ANK2: variants seen among roughly 807,000 people sequenced by gnomAD.
ANK2 encodes the protein ankyrin 2.
ANK2 carries 83 observed loss-of-function variants against 360.5 expected under a neutral mutation model. The observed-to-expected ratio is 0.23, with a 90% CI of 0.19 to 0.28. The LOEUF (loss-of-function observed/expected upper bound fraction) is 0.28. Ranked by LOEUF, ANK2 falls within the 10% of genes least tolerant of loss-of-function variation. The pLI is 1.00. For synonymous variants in ANK2, 1,740 were observed against 1,759.5 expected (o/e 0.99, Z 0.28); for missense variants, 4,201 against 4,795.7 (o/e 0.88, Z 3.66).
At chr4:113,332,993 G>C (rs2092812654) in intron 28 of ANK2, 61 bp from the exon 29 acceptor site, 1 of 1,610,428 alleles carries the variant, frequency 6.2e-7, no homozygotes, top group South Asian at 1.1e-5. Context: ...CAGAGTCGAG[G>C]TGCTTGTCTT....
At chr4:113,352,946 C>G in intron 37 of ANK2, 99 bp from the exon 38 acceptor site, 1 of 1,411,822 alleles carries the variant, frequency 7.1e-7, no homozygotes, top group Non-Finnish European at 9.7e-7. Flanking sequence ...ACCACCACCA[C>G]CACAGGAAAA....
At position 113,086,400 on chromosome 4, in the gene ANK2, A is replaced by G. The variant is rs551960143; in HGVS notation, c.84+36588A>G. Among the ~76,000 whole-genome samples, 17 of 152,328 alleles carry G rather than the reference A, an allele frequency of 1.1e-4. No individual in the cohort carries two copies. The South Asian group carries it at 3.5e-3, about 32-fold the overall frequency. ...TGTTCTAGTCTTTATTTATATTCAT[A>G]GATTTTTTTTATACAGTTGCAACAC... On this transcript the variant is annotated intron_variant, in intron 1 of 45. Transcript: ENST00000357077.
chr4:113,183,672 G>T (rs527395415), intron 2 of ANK2, among the ~76,000 whole-genome samples: 3 of 152,098 alleles, frequency 2.0e-5, no homozygotes, highest in Non-Finnish European at 4.4e-5. Flanking sequence ...CAGAGGGTTG[G>T]ATGCTTAAAA....
At chr4:113,069,532 C>G (rs761335408) in intron 1 of ANK2, among the ~76,000 whole-genome samples, 4 of 152,178 alleles carry the variant, frequency 2.6e-5, no homozygotes, top group Non-Finnish European at 5.9e-5. Context: ...CTTTTAAAAG[C>G]CAAAATTACC....
intron 5 of ANK2, among the ~76,000 whole-genome samples, chr4:113,233,106 G>GTTTTTTTTTTTTTTTT (rs1156385030): frequency 1.3e-5 from 1 of 79,706 alleles, no homozygotes; most frequent in African/African-American, 4.6e-5. Flanking sequence ...TGGCTTTTCT[G>GTTTTTTTTTTTTTTTT]TTTTTTTTTT....
At chr4:112,827,496 G>T in intron 1 of ANK2, 1 of 1,312,766 alleles carries the variant, frequency 7.6e-7, no homozygotes, top group Non-Finnish European at 1.1e-6. Flanking sequence ...TCACCAAACA[G>T]TTGCTTCATC....
the ANK2 span, among the ~76,000 whole-genome samples, chr4:112,812,834 A>G: frequency 1.3e-5 from 2 of 152,184 alleles, no homozygotes; most frequent in African/African-American, 4.8e-5. Flanking sequence ...GCTTTCTGCT[A>G]TAAGACAATG....
chr4:112,790,411 G>A, the ANK2 span, among the ~76,000 whole-genome samples: 3 of 151,728 alleles, frequency 2.0e-5, no homozygotes, highest in African/African-American at 7.3e-5. Flanking sequence ...CCGGATGACC[G>A]GATTTCTAGC....
intron 1 of ANK2, among the ~76,000 whole-genome samples, chr4:112,839,555 G>A (rs888431750): frequency 5.3e-5 from 8 of 152,176 alleles, no homozygotes; most frequent in African/African-American, 1.9e-4. Context: ...ATGTATTAAG[G>A]TGTGGTTTGG....
chr4:112,736,126 A>G, the ANK2 span, among the ~76,000 whole-genome samples: 4 of 152,146 alleles, frequency 2.6e-5, no homozygotes, highest in African/African-American at 7.2e-5. Flanking sequence ...TGCCTAACTT[A>G]ATAACCTAAT....
At position 113,355,265 on chromosome 4, in the gene ANK2, G is replaced by A. The variant is rs746448129; in HGVS notation, c.6647G>A (p.Gly2216Asp). 2 of 1,613,942 alleles carry A rather than the reference G, an allele frequency of 1.2e-6. No homozygotes were observed. Among genetic ancestry groups the A allele is most frequent in the Non-Finnish European group, 1.7e-6 (2 of 1,179,968 alleles). Residue 2216 changes from glycine to aspartate, a missense_variant, in exon 38 of 46, where the codon GGC (glycine) becomes GAC (aspartate). Around this residue, in one of 4 missense-constraint regions of ANK2, gnomAD observed 2,642 missense variants for 2,714.5 expected, o/e 0.97. Coordinates refer to ENST00000357077, the MANE Select transcript of ANK2 (RefSeq NM_001148.6). ...GAGGGGGTAGCCGGCTCTCCGTGTG[G>A]CAGCCTGATGGAGGGGACCCCTCAG... ...KNEGVAGSPC[G>D]SLMEGTPQIS...
the ANK2 span, among the ~76,000 whole-genome samples, chr4:112,810,669 A>G: frequency 6.6e-6 from 1 of 152,056 alleles, no homozygotes; most frequent in South Asian, 2.1e-4. Context: ...CTCCTGCCTC[A>G]GCCTCCTGAG....
At position 113,355,512 on chromosome 4, in the gene ANK2, G is replaced by A; in HGVS notation, c.6894G>A (p.Glu2298=). ...GSEERGATVT[E]DSETSTESFQ... Reference sequence around the variant, plus strand: ...AAGAGCGAGGTGCCACAGTCACTGAGGACTCAGAGACCTCTACTGAGAGTT... The same window carrying A: ...AAGAGCGAGGTGCCACAGTCACTGAAGACTCAGAGACCTCTACTGAGAGTT... The change falls in exon 38 of 46, where the codon GAG becomes GAA. Residue 2298 remains glutamate (E), a synonymous_variant. Coordinates refer to ENST00000357077, the MANE Select transcript of ANK2 (RefSeq NM_001148.6). 13 of 1,614,044 alleles carry A rather than the reference G, an allele frequency of 8.1e-6. No homozygotes were observed. Among genetic ancestry groups the A allele is most frequent in the Non-Finnish European group, 1.0e-5 (12 of 1,179,976 alleles).
chr4:113,181,631 G>A (rs925530763), intron 2 of ANK2, among the ~76,000 whole-genome samples: 3 of 152,046 alleles, frequency 2.0e-5, no homozygotes, highest in African/African-American at 7.2e-5. Flanking sequence ...GAATGGGAGC[G>A]GTGTGTCACT....
At chr4:112,960,340 T>C (rs931117111) in intron 2 of ANK2, among the ~76,000 whole-genome samples, 3 of 150,322 alleles carry the variant, frequency 2.0e-5, no homozygotes, top group African/African-American at 7.4e-5. Context: ...GCAGCATTAG[T>C]GTCTGCCTTT....
intron 1 of ANK2, among the ~76,000 whole-genome samples, chr4:112,878,906 A>C (rs1305022768): frequency 6.6e-6 from 1 of 152,174 alleles, no homozygotes; most frequent in African/African-American, 2.4e-5. Context: ...TACAAGCGTG[A>C]GCCACTGCGC....
intron 21 of ANK2, 82 bp from the exon 22 acceptor site, chr4:113,293,358 G>A: frequency 8.3e-7 from 1 of 1,204,982 alleles, no homozygotes. Context: ...GCTGGCTGAT[G>A]CAGAGCAGCG....
chr4:113,249,917 A>T, intron 10 of ANK2, 55 bp downstream of exon 10: 13 of 1,455,620 alleles, frequency 8.9e-6, no homozygotes, highest in Non-Finnish European at 1.1e-5. Flanking sequence ...TACTTGATGT[A>T]TTATCTCTAT....
chr4:113,252,627 C>A (rs2047077072), intron 10 of ANK2, among the ~76,000 whole-genome samples: 1 of 152,144 alleles, frequency 6.6e-6, no homozygotes, highest in Non-Finnish European at 1.5e-5. Flanking sequence ...TATGTTTCAG[C>A]TCACTCTCTT....
Sources: allele counts gnomAD v4.1 joint callset (sites outside exome capture counted in the v4.1 genomes callset), GRCh38; gene constraint gnomAD v4.1.1; regional missense constraint gnomAD v4.1.1; transcripts MANE v1.5; gene names NCBI Gene and HGNC (gene_info 2026-07-23, HGNC 2026-07-21).